FAM234A: variants seen among roughly 807,000 people sequenced by gnomAD.
FAM234A encodes protein FAM234A.
FAM234A carries 42 observed loss-of-function variants against 49.1 expected under a neutral mutation model. The observed-to-expected ratio is 0.86, with a 90% confidence interval of 0.67 to 1.11. The LOEUF is 1.11. Ranked by LOEUF, FAM234A falls within the 50% of genes least tolerant of loss-of-function variation. The pLI is 0.00. For missense variants in FAM234A, 815 were observed against 745.2 expected (o/e 1.09, Z -1.09); for synonymous variants, 369 against 316.2 (o/e 1.17, Z -1.77).
At chr16:235,419 A>G (rs967689940) in intron 1 of FAM234A, among the ~76,000 whole-genome samples, 4 of 152,206 alleles carry the variant, frequency 2.6e-5, no homozygotes, top group African/African-American at 7.2e-5. Context: ...ACTCAGGCAT[A>G]GAACACAAAA....
At chr16:255,121 T>C (rs1052456963) in intron 3 of FAM234A, among the ~76,000 whole-genome samples, 16 of 152,328 alleles carry the variant, frequency 1.1e-4, no homozygotes, top group Admixed American at 1.0e-3. Context: ...CCCAAAGTGC[T>C]GAGATTACAG....
Position 264,656 on chromosome 16 carries a change from A to G in FAM234A, c.1387A>G (p.Thr463Ala). ...ARHSLYMFHP[T>A]LPRVLLELAN... ...GCACAGCCTGTACATGTTCCACCCCACCCTGCCGCGCGTGCTGCTGGAGCT... is the reference window on the plus strand; with the variant it reads ...GCACAGCCTGTACATGTTCCACCCCGCCCTGCCGCGCGTGCTGCTGGAGCT... The change falls in exon 12 of 13, where the codon ACC becomes GCC. Residue 463 changes from threonine (T) to alanine (A), a missense_variant. Physicochemically the swap from Thr to Ala is moderately conservative, Grantham distance 58. Transcript: ENST00000399932. 5.0e-6 allele frequency: 8 copies of G among 1,611,476 alleles called. No homozygotes were observed. The highest frequency in any genetic ancestry group is 5.9e-6 in the Non-Finnish European group (7 of 1,179,896).
intron 11 of FAM234A, 136 bp from the exon 12 acceptor site, chr16:264,469 GGCCACAGAA>G (rs2141373251): frequency 2.8e-6 from 2 of 705,456 alleles, no homozygotes; most frequent in East Asian, 5.4e-5. Context: ...CCTGGGAGGT[GGCCACAGAA>G]CTGGGGGCTG....
chr16:238,739 C>G (rs770225817), intron 1 of FAM234A, among the ~76,000 whole-genome samples: 70 of 122,156 alleles, frequency 5.7e-4, no homozygotes, highest in Middle Eastern at 0.016. Context: ...GCACTCCAGC[C>G]TGGGCGACAG....
chr16:247,668 G>A (rs1391812690), intron 1 of FAM234A, among the ~76,000 whole-genome samples: 1 of 151,852 alleles, frequency 6.6e-6, no homozygotes, highest in Non-Finnish European at 1.5e-5. Flanking sequence ...CCTGACCTCA[G>A]GTACTCCGCC....
In FAM234A at chr16:265,605, G is replaced by C. The variant is rs2051667199; in HGVS notation, c.*583G>C. ...AGCTACAGGGGGATCCTCTAGCATG[G>C]GGGGTGTGACTTGGTTCCTTTGACC... On this transcript the variant is annotated 3_prime_UTR_variant, in exon 13 of 13. Coordinates refer to ENST00000399932, the MANE Select transcript of FAM234A (RefSeq NM_032039.4). 1 of 985,642 alleles carries C rather than the reference G, an allele frequency of 1.0e-6. No individual in the cohort carries two copies. 61.1% of individuals were successfully genotyped at this position (985,642 alleles called of 1,614,324 possible).
At chr16:261,204 T>G in intron 5 of FAM234A, 180 bp from the exon 6 acceptor site, 2 of 649,158 alleles carry the variant, frequency 3.1e-6, no homozygotes. Context: ...TGCTGCTCCT[T>G]CACGAGCACA....
rs983010160 is a variant in FAM234A, at chr16:262,659, C to T, written c.971+106C>T. ...TGTGTGGAGCCCAGAGCAGCCCCAC[C>T]GGCAGGGAGGTGCTCGGGGTACCGC... On this transcript the variant is annotated intron_variant, in intron 8 of 12. Transcript: ENST00000399932. 1.5e-4 allele frequency: 182 copies of T among 1,223,908 alleles called. No homozygotes were observed. The Admixed American group carries it at 4.6e-3, about 31-fold the overall frequency. The allele number at this position is 1,223,908 out of a possible 1,614,324, so 75.8% of individuals were successfully genotyped here.
At chr16:268,301 G>C (rs1333803282), downstream of FAM234A, 1 of 239,778 alleles carries the variant, frequency 4.2e-6, no homozygotes, top group Non-Finnish European at 8.3e-6. Context: ...TGCACCCACA[G>C]CAGGATGGGC....
chr16:246,640 C>T (rs1218192890), intron 1 of FAM234A, among the ~76,000 whole-genome samples: 2 of 151,018 alleles, frequency 1.3e-5, no homozygotes, highest in Non-Finnish European at 2.9e-5. Flanking sequence ...AGGATGGTCT[C>T]AATCTCCTGA....
intron 1 of FAM234A, among the ~76,000 whole-genome samples, chr16:235,919 G>A (rs1306374732): frequency 1.3e-5 from 2 of 151,820 alleles, no homozygotes; most frequent in Non-Finnish European, 2.9e-5. Context: ...TTGGGAGGCC[G>A]AGGCAGGCGG....
chr16:242,821 C>G (rs2050667630), intron 1 of FAM234A, among the ~76,000 whole-genome samples: 1 of 151,946 alleles, frequency 6.6e-6, no homozygotes, highest in South Asian at 2.1e-4. Flanking sequence ...ACCATGTTGG[C>G]CAAATTGGTC....
intron 1 of FAM234A, among the ~76,000 whole-genome samples, chr16:242,394 A>T (rs142622840): frequency 1.3e-5 from 2 of 152,006 alleles, no homozygotes; most frequent in East Asian, 3.9e-4. Context: ...TTGTATTTTT[A>T]GTAGAGTCGG....
Position 238,581 on chromosome 16 carries a change from A to G in FAM234A, c.-140+3724A>G, listed in dbSNP as rs1158646656. 3.3e-5 allele frequency among the ~76,000 whole-genome samples: 5 copies of G among 151,956 alleles called. No individual in the cohort carries two copies. In the South Asian group the frequency reaches 6.2e-4, roughly 19 times the overall value. On this transcript the variant is annotated intron_variant, in intron 1 of 12. Transcript: ENST00000399932. ...GGAGATCGAGACCATCCTGGCTAAC[A>G]CAGTGAAATCCCGTCTCTACTAAAA...
In FAM234A at chr16:265,010, G is replaced by A; in HGVS notation, c.1647G>A (p.Gln549=). ...IRDRFSRLRY[Q]SEA ...ACCGGTTCTCCCGGCTGCGGTACCA[G>A]AGTGAGGCGTAGAGGCACGCCAGCC... The change falls in exon 13 of 13, where the codon CAG becomes CAA. Residue 549 remains glutamine, a synonymous_variant. Coordinates refer to ENST00000399932, the MANE Select transcript of FAM234A (RefSeq NM_032039.4). The A allele has an allele frequency of 6.2e-7, 1 of 1,607,348 alleles. No homozygotes were observed.
intron 1 of FAM234A, among the ~76,000 whole-genome samples, chr16:240,758 T>C (rs754626522): frequency 3.9e-5 from 6 of 152,134 alleles, no homozygotes. Flanking sequence ...CGCCTAGGCC[T>C]CCTAAAGTGC....
intron 5 of FAM234A, chr16:260,839 A>G (rs1376728865): frequency 1.9e-5 from 7 of 369,282 alleles, no homozygotes; most frequent in Non-Finnish European, 3.4e-5. Context: ...ATGAGATTGT[A>G]TGTGCGTAAG....
At chr16:236,412 C>G (rs1400562833) in intron 1 of FAM234A, among the ~76,000 whole-genome samples, 2 of 151,516 alleles carry the variant, frequency 1.3e-5, no homozygotes, top group Non-Finnish European at 2.9e-5. Context: ...ATCACTAGGT[C>G]AAGAGATCGA....
At position 262,198 on chromosome 16, in the gene FAM234A, G is replaced by T; in HGVS notation, c.814G>T (p.Gly272Cys). ...SGFLLHVTRT[G>C]AHYILFPCAS... ...CTTCCTCCTTCACGTCACCAGGACAGGTGCCCACTACATCCTCTTTCCCTG... is the reference window on the plus strand; with the variant it reads ...CTTCCTCCTTCACGTCACCAGGACATGTGCCCACTACATCCTCTTTCCCTG... Residue 272 changes from glycine (G) to cysteine (C), a missense_variant, in exon 7 of 13, where the codon GGT becomes TGT. Physicochemically the swap from Gly to Cys is radical, Grantham distance 159. Coordinates refer to ENST00000399932, the MANE Select transcript of FAM234A (RefSeq NM_032039.4). The T allele has an allele frequency of 6.2e-7, 1 of 1,614,000 alleles. No individual in the cohort carries two copies. The highest frequency in any genetic ancestry group is 8.5e-7 in the Non-Finnish European group (1 of 1,180,020).
Sources: allele counts gnomAD v4.1 joint callset (sites outside exome capture counted in the v4.1 genomes callset), GRCh38; gene constraint gnomAD v4.1.1; transcripts MANE v1.5; gene names NCBI Gene and HGNC (gene_info 2026-07-23, HGNC 2026-07-21).